TLK1: variants seen among roughly 807,000 people sequenced by gnomAD.
TLK1 encodes the protein tousled like kinase 1.
A neutral mutation model predicts 105.3 loss-of-function variants in TLK1; 24 were observed. The ratio of observed to expected loss-of-function variants is 0.23; its 90% CI spans 0.17 to 0.32. The LOEUF is 0.32. Ranked by LOEUF, TLK1 falls within the 10% of genes least tolerant of loss-of-function variation. The pLI, the probability that TLK1 is intolerant of heterozygous loss-of-function variation, is 1.00. For missense variants in TLK1, 558 were observed against 910.5 expected, an observed-to-expected ratio of 0.61 and a Z score of 4.98; for synonymous variants, 321 against 310.4, an observed-to-expected ratio of 1.03 and a Z score of -0.36.
At chr2:171,101,198 T>C (rs938759545) in intron 2 of TLK1, among the ~76,000 whole-genome samples, 3 of 151,726 alleles carry the variant, frequency 2.0e-5, no homozygotes, top group African/African-American at 7.3e-5. Context: ...ATACAAAAAT[T>C]AGCCAGAAGT....
chr2:171,024,574 A>T (rs1317283060), intron 12 of TLK1, among the ~76,000 whole-genome samples: 1 of 152,200 alleles, frequency 6.6e-6, no homozygotes, highest in Non-Finnish European at 1.5e-5. Context: ...CAAGTGAATT[A>T]ATTTTTCTGA....
intron 3 of TLK1, chr2:171,066,938 T>C: frequency 6.5e-7 from 1 of 1,544,340 alleles, no homozygotes; most frequent in South Asian, 1.2e-5. Flanking sequence ...AGATAATTTA[T>C]TCTGGAAATG....
upstream of TLK1, among the ~76,000 whole-genome samples, chr2:171,161,826 G>C (rs1575641732): frequency 6.6e-6 from 1 of 151,726 alleles, no homozygotes; most frequent in East Asian, 1.9e-4. Context: ...ACCCACACAA[G>C]TATACTCACA....
chr2:171,156,938 C>T (rs548307095), intron 1 of TLK1, among the ~76,000 whole-genome samples: 1 of 152,262 alleles, frequency 6.6e-6, no homozygotes, highest in East Asian at 1.9e-4. Flanking sequence ...TCAAGCAATC[C>T]TCCCAACTCA....
chr2:171,222,634 A>G (rs1275677316), intron 1 of TLK1, among the ~76,000 whole-genome samples: 1 of 152,100 alleles, frequency 6.6e-6, no homozygotes, highest in African/African-American at 2.4e-5. Context: ...AATAGTTTAC[A>G]TATTTATGGG....
intron 11 of TLK1, among the ~76,000 whole-genome samples, chr2:171,037,547 C>T (rs1057000565): frequency 2.0e-5 from 3 of 151,786 alleles, no homozygotes; most frequent in African/African-American, 7.3e-5. Flanking sequence ...GTATCTTCTG[C>T]TTGTTTGCTA....
intron 1 of TLK1, among the ~76,000 whole-genome samples, chr2:171,173,098 C>A (rs1692759535): frequency 6.6e-6 from 1 of 152,122 alleles, no homozygotes; most frequent in South Asian, 2.1e-4. Flanking sequence ...ATAGCATATC[C>A]TGTTAGTATA....
chr2:171,031,507 C>T (rs1039970703), intron 11 of TLK1, among the ~76,000 whole-genome samples: 1 of 152,110 alleles, frequency 6.6e-6, no homozygotes, highest in Admixed American at 6.6e-5. Flanking sequence ...ATAGATAAGG[C>T]AAAGATATAA....
chr2:171,219,015 G>C (rs1255170630), intron 1 of TLK1, among the ~76,000 whole-genome samples: 1 of 152,150 alleles, frequency 6.6e-6, no homozygotes, highest in East Asian at 1.9e-4. Flanking sequence ...AAAATAAGGT[G>C]CAAGAATATG....
intron 1 of TLK1, among the ~76,000 whole-genome samples, chr2:171,155,206 TAA>T (rs1182368076): frequency 6.6e-6 from 1 of 152,156 alleles, no homozygotes; most frequent in Non-Finnish European, 1.5e-5. Flanking sequence ...CAATTACAAA[TAA>T]AAGACTATAT....
chr2:170,997,726 G>T lies in TLK1; in HGVS notation c.2002C>A (p.Leu668Ile). The change falls in exon 19 of 21, where the codon CTT (leucine) becomes ATT (isoleucine). Residue 668 changes from leucine (L) to isoleucine (I), a missense_variant. This residue lies in a region of TLK1 where 218 missense variants were observed against 492.9 expected (regional missense o/e 0.44). Transcript: ENST00000431350. ...WSVGVIFFQC[L>I]YGRKPFGHNQ... The stretch of plus-strand genomic sequence containing the variant: ...ATTCAATTTACCTTTCTACCATAAA[G>T]ACACTGAAAGAAGATGACTCCAACC... 1 of 1,604,054 alleles carries T rather than the reference G, an allele frequency of 6.2e-7. No individual in the cohort carries two copies. The highest frequency in any genetic ancestry group is 8.5e-7 in the Non-Finnish European group (1 of 1,173,268).
Position 170,991,054 on chromosome 2 carries a change from T to C in TLK1, c.*2726A>G, listed in dbSNP as rs745458561. On this transcript the variant is annotated 3_prime_UTR_variant, in exon 21 of 21. Transcript: ENST00000431350. The stretch of plus-strand genomic sequence containing the variant: ...TTTATTTTTGAAAAACCACCAAGTA[T>C]CTCCAACTCCCAACTTACAAATTAG... The C allele has an allele frequency of 3.3e-5, 5 of 151,952 alleles. No individual in the cohort carries two copies. The highest frequency in any genetic ancestry group is 5.9e-5 in the Non-Finnish European group (4 of 68,016). The allele number at this position is 151,952 out of a possible 1,614,324, so 9.4% of individuals were successfully genotyped here.
chr2:171,081,555 CA>C, intron 3 of TLK1: 1 of 891,834 alleles, frequency 1.1e-6, no homozygotes, highest in Non-Finnish European at 1.5e-6. Flanking sequence ...GCTAAACCTA[CA>C]ATTTTCAAAG....
At chr2:171,132,092 A>T (rs1019672672) in intron 1 of TLK1, among the ~76,000 whole-genome samples, 5 of 152,132 alleles carry the variant, frequency 3.3e-5, no homozygotes. Flanking sequence ...AATACCTGAG[A>T]CTGGGTAATT....
At chr2:171,200,004 T>A (rs1693367849) in intron 1 of TLK1, among the ~76,000 whole-genome samples, 1 of 152,158 alleles carries the variant, frequency 6.6e-6, no homozygotes, top group African/African-American at 2.4e-5. Context: ...AAGAATTCCC[T>A]TTTCTGGAAA....
intron 14 of TLK1, among the ~76,000 whole-genome samples, chr2:171,009,858 T>C (rs1684822761): frequency 6.6e-6 from 1 of 152,140 alleles, no homozygotes; most frequent in African/African-American, 2.4e-5. Context: ...CAGTACGTAA[T>C]GAAGCACAAA....
rs771649400 is a variant in TLK1, at chr2:171,006,658, A to T, written c.1599-15T>A. 1 of 1,611,714 alleles carries T rather than the reference A, an allele frequency of 6.2e-7. No individual in the cohort carries two copies. Among genetic ancestry groups the T allele is most frequent in the Non-Finnish European group, 8.5e-7 (1 of 1,179,588 alleles). The stretch of plus-strand genomic sequence containing the variant: ...CTGTACAAAACCTACAACAGAGAAG[A>T]GAAAAAAATTAGACATAAGTAATAT... On this transcript the variant is annotated splice_polypyrimidine_tract_variant and intron_variant, in intron 16 of 20. Transcript: ENST00000431350.
chr2:170,992,355 A>AACTT lies in TLK1; in HGVS notation c.*1421_*1424dup, dbSNP rs1432327950. The AACTT allele has an allele frequency of 6.6e-6, 1 of 152,412 alleles. No individual in the cohort carries two copies. The highest frequency in any genetic ancestry group is 2.4e-5 in the African/African-American group (1 of 41,450). The allele number at this position is 152,412 out of a possible 1,614,324, so 9.4% of individuals were successfully genotyped here. On this transcript the variant is annotated 3_prime_UTR_variant, in exon 21 of 21. Coordinates refer to ENST00000431350, the MANE Select transcript of TLK1 (RefSeq NM_012290.5). The stretch of plus-strand genomic sequence containing the variant: ...TATAACCTTTTTCTGCAACATGAAC[A>AACTT]ACTTACATGTAAGTATCAGCATTAT...
chr2:171,132,261 G>A (rs1691132994), intron 1 of TLK1, among the ~76,000 whole-genome samples: 2 of 152,144 alleles, frequency 1.3e-5, no homozygotes, highest in Non-Finnish European at 2.9e-5. Flanking sequence ...CATCTTGTGA[G>A]AACTCACTAT....
Sources: gnomAD v4.1 joint callset for allele counts (sites outside exome capture counted in the v4.1 genomes callset) on GRCh38, gnomAD v4.1.1 for gene constraint, gnomAD v4.1.1 regional missense constraint, MANE v1.5 for transcripts, NCBI Gene and HGNC (gene_info 2026-07-23, HGNC 2026-07-21) for gene names.